The following BTG4 variants were observed in gnomAD, a reference collection of about 807,000 sequenced individuals.
BTG4 encodes the protein BTG anti-proliferation factor 4.
BTG4 carries 10 observed loss-of-function variants against 19.3 expected under a neutral mutation model. The observed-to-expected ratio is 0.52, with a 90% CI of 0.32 to 0.88. BTG4 has a LOEUF of 0.88. Among genes scored for constraint, BTG4 ranks in the 40% least tolerant of loss-of-function variants. The pLI is 0.04. For synonymous variants in BTG4, 91 were observed against 95.7 expected (o/e 0.95, Z 0.29); for missense variants, 238 against 281.9 (o/e 0.84, Z 1.11).
intron 1 of BTG4, among the ~76,000 whole-genome samples, chr11:111,506,857 G>T (rs1414579704): frequency 2.6e-5 from 4 of 152,096 alleles, no homozygotes; most frequent in Non-Finnish European, 5.9e-5. Context: ...GGATCAGGAA[G>T]AACTAAAGGT....
the BTG4 span, among the ~76,000 whole-genome samples, chr11:111,430,941 C>G: frequency 6.6e-6 from 1 of 152,192 alleles, no homozygotes; most frequent in Non-Finnish European, 1.5e-5. Context: ...ACATACCAGC[C>G]TTTTCTTTTT....
At chr11:111,420,455 G>A in the BTG4 span, among the ~76,000 whole-genome samples, 1 of 152,236 alleles carries the variant, frequency 6.6e-6, no homozygotes, top group Admixed American at 6.5e-5. Flanking sequence ...GGATCAGGAG[G>A]AAGAAGGCAG....
the BTG4 span, among the ~76,000 whole-genome samples, chr11:111,437,239 G>C: frequency 1.3e-5 from 2 of 152,052 alleles, no homozygotes; most frequent in South Asian, 2.1e-4. Flanking sequence ...TCAGAGCCCA[G>C]AGACCCCCTG....
At chr11:111,484,029 C>T (rs943155685) in intron 5 of BTG4, among the ~76,000 whole-genome samples, 1 of 152,104 alleles carries the variant, frequency 6.6e-6, no homozygotes, top group Admixed American at 6.6e-5. Context: ...TGGCAGCAGA[C>T]ATCTTCATGG....
chr11:111,491,759 G>GAAAGA (rs1565460029), downstream of BTG4, among the ~76,000 whole-genome samples: 1 of 146,098 alleles, frequency 6.8e-6, no homozygotes, highest in Non-Finnish European at 1.5e-5. Flanking sequence ...AAGAAAGAAA[G>GAAAGA]AAAGAAAAGA....
At chr11:111,445,109 G>A in the BTG4 span, among the ~76,000 whole-genome samples, 2 of 152,184 alleles carry the variant, frequency 1.3e-5, no homozygotes, top group African/African-American at 4.8e-5. Context: ...GGTTGCCCTC[G>A]TGGTACAGTA....
the BTG4 span, among the ~76,000 whole-genome samples, chr11:111,404,003 C>T: frequency 6.6e-6 from 1 of 152,214 alleles, no homozygotes; most frequent in Non-Finnish European, 1.5e-5. Context: ...TGTGTCCCCA[C>T]CCAAATCTCA....
chr11:111,386,627 C>T, the BTG4 span, among the ~76,000 whole-genome samples: 35 of 152,240 alleles, frequency 2.3e-4, no homozygotes, highest in South Asian at 7.1e-3. Flanking sequence ...CAGTTCATAG[C>T]GTTCATGAGA....
chr11:111,393,632 C>T, the BTG4 span, among the ~76,000 whole-genome samples: 3 of 152,294 alleles, frequency 2.0e-5, no homozygotes, highest in East Asian at 5.8e-4. Context: ...AAAAACTCCC[C>T]AGTTACTAAA....
At chr11:111,425,794 G>T in the BTG4 span, among the ~76,000 whole-genome samples, 1 of 152,310 alleles carries the variant, frequency 6.6e-6, no homozygotes, top group East Asian at 1.9e-4. Context: ...CTCTTTGGGA[G>T]GCCAAGGTGG....
the BTG4 span, among the ~76,000 whole-genome samples, chr11:111,451,776 A>C: frequency 1.3e-5 from 2 of 152,128 alleles, no homozygotes; most frequent in Admixed American, 1.3e-4. Context: ...AAAAAAAAAT[A>C]AATACTGCCT....
chr11:111,452,641 G>A, the BTG4 span: 30 of 152,310 alleles, frequency 2.0e-4, no homozygotes, highest in Admixed American at 1.0e-3. Context: ...CCTATAAGTG[G>A]GTCTTCCATT....
the BTG4 span, among the ~76,000 whole-genome samples, chr11:111,434,574 T>TAA: frequency 2.7e-5 from 4 of 149,628 alleles, no homozygotes; most frequent in East Asian, 1.9e-4. Context: ...TAATAAATTT[T>TAA]AAAAAAAATA....
At chr11:111,504,889 A>G (rs1258157910) in intron 1 of BTG4, among the ~76,000 whole-genome samples, 1 of 152,060 alleles carries the variant, frequency 6.6e-6, no homozygotes, top group African/African-American at 2.4e-5. Flanking sequence ...AAAGACCAAA[A>G]TACTTCAGAA....
chr11:111,386,226 G>A, the BTG4 span: 1 of 151,924 alleles, frequency 6.6e-6, no homozygotes, highest in African/African-American at 2.4e-5. Context: ...TTGTATATAG[G>A]ACACAAAAAA....
the BTG4 span, among the ~76,000 whole-genome samples, chr11:111,419,901 C>T: frequency 2.6e-5 from 4 of 152,186 alleles, no homozygotes; most frequent in Non-Finnish European, 5.9e-5. Flanking sequence ...AAAAAGAGTA[C>T]GGGATGTGAG....
At chr11:111,429,357 C>T in the BTG4 span, among the ~76,000 whole-genome samples, 2 of 152,122 alleles carry the variant, frequency 1.3e-5, no homozygotes, top group South Asian at 2.1e-4. Context: ...TGGCACGTTA[C>T]TCAAATTTTA....
intron 3 of BTG4, 100 bp downstream of exon 3, chr11:111,497,898 A>G: frequency 5.3e-6 from 7 of 1,333,174 alleles, no homozygotes; most frequent in Non-Finnish European, 7.2e-6. Flanking sequence ...CCTGCTGCCA[A>G]CTCAAGGCTT....
chr11:111,491,747 AAAAGAAAG>A (rs1051597443), downstream of BTG4, among the ~76,000 whole-genome samples: 1 of 150,428 alleles, frequency 6.6e-6, no homozygotes, highest in Non-Finnish European at 1.5e-5. Context: ...AAAAAAAAAA[AAAAGAAAG>A]AAAGAAAGAA....
Sources: allele counts gnomAD v4.1 joint callset (sites outside exome capture counted in the v4.1 genomes callset), GRCh38; gene constraint gnomAD v4.1.1; transcripts MANE v1.5; gene names NCBI Gene and HGNC (gene_info 2026-07-23, HGNC 2026-07-21).